RPIA: variants seen among roughly 807,000 people sequenced by gnomAD.
RPIA encodes the protein ribose-5-phosphate isomerase.
RPIA carries 29 observed loss-of-function variants against 37.8 expected under a neutral mutation model. The ratio of observed to expected loss-of-function variants is 0.77; its 90% CI spans 0.57 to 1.05. The LOEUF (loss-of-function observed/expected upper bound fraction) is 1.05, where lower values mean the gene tolerates loss of function less well. Ranked by LOEUF, RPIA falls within the 50% of genes least tolerant of loss-of-function variation. The pLI, the probability that RPIA is intolerant of heterozygous loss-of-function variation, is 0.00. For missense variants in RPIA, 385 were observed against 413.6 expected (o/e 0.93, Z 0.60); for synonymous variants, 167 against 157.0 (o/e 1.06, Z -0.48).
At position 88,737,988 on chromosome 2, in the gene RPIA, G is replaced by A; in HGVS notation, c.750G>A (p.Val250=). ...AAATTATCTTCTAGGGTCCTGTGGT[G>A]ACAGATAATGGGAATTTTATCTTGG... ...RMAVNKAGPV[V]TDNGNFILDW... The change falls in exon 8 of 9, where the codon GTG becomes GTA. Residue 250 remains valine, a synonymous_variant. Coordinates refer to ENST00000283646, the MANE Select transcript of RPIA (RefSeq NM_144563.3). 1 of 1,613,172 alleles carries A rather than the reference G, an allele frequency of 6.2e-7. No homozygotes were observed. Among genetic ancestry groups the A allele is most frequent in the South Asian group, 1.1e-5 (1 of 91,048 alleles).
intron 3 of RPIA, among the ~76,000 whole-genome samples, chr2:88,723,467 G>A (rs554146461): frequency 1.3e-5 from 2 of 152,286 alleles, no homozygotes; most frequent in South Asian, 4.2e-4. Flanking sequence ...ACAAAAAGGT[G>A]GGGGGAGTTC....
chr2:88,732,744 A>AAAAAAAAAAAAAAAAAAAAAAAAAAAAAT (rs1673260582), intron 4 of RPIA, among the ~76,000 whole-genome samples: 1 of 11,366 alleles, frequency 8.8e-5, no homozygotes, highest in Non-Finnish European at 1.9e-4. Flanking sequence ...AAAAAAAAAA[A>AAAAAAAAAAAAAAAAAAAAAAAAAAAAAT]AAAAAAAAAA....
At chr2:88,737,558 G>C (rs1377642445) in intron 7 of RPIA, among the ~76,000 whole-genome samples, 1 of 152,146 alleles carries the variant, frequency 6.6e-6, no homozygotes, top group Non-Finnish European at 1.5e-5. Flanking sequence ...TTGTGTTTTG[G>C]ATTCTGTTTC....
At chr2:88,703,496 G>A (rs7566774) in intron 3 of RPIA, among the ~76,000 whole-genome samples, 9,385 of 152,274 alleles carry the variant, frequency 0.062, 512 homozygotes, top group African/African-American at 0.14. Flanking sequence ...GCCAAGGCTT[G>A]GGGCTTGCAC....
At chr2:88,727,798 C>A (rs980353449) in intron 3 of RPIA, among the ~76,000 whole-genome samples, 5 of 152,194 alleles carry the variant, frequency 3.3e-5, no homozygotes, top group Admixed American at 1.3e-4. Context: ...TCTAGCAATA[C>A]TATTTTTGCT....
intron 3 of RPIA, among the ~76,000 whole-genome samples, chr2:88,727,858 G>C (rs1160768916): frequency 6.6e-6 from 1 of 151,928 alleles, no homozygotes; most frequent in Non-Finnish European, 1.5e-5. Flanking sequence ...AAATCATAAG[G>C]TTTTTTTTGA....
At chr2:88,725,057 C>T (rs1673179054) in intron 3 of RPIA, among the ~76,000 whole-genome samples, 1 of 152,210 alleles carries the variant, frequency 6.6e-6, no homozygotes, top group South Asian at 2.1e-4. Context: ...TTGCTTCTTG[C>T]CTTTCTTCAG....
intron 3 of RPIA, among the ~76,000 whole-genome samples, chr2:88,721,544 T>TACACACAC (rs748522109): frequency 2.4e-5 from 2 of 82,932 alleles, no homozygotes; most frequent in South Asian, 4.4e-4. Flanking sequence ...ATATATATTA[T>TACACACAC]ACACACACAC....
At chr2:88,730,424 C>T (rs1403741367) in intron 4 of RPIA, among the ~76,000 whole-genome samples, 19 of 81,314 alleles carry the variant, frequency 2.3e-4, no homozygotes, top group Admixed American at 1.0e-3. Context: ...GTTCAATATA[C>T]GCAAATCAAT....
chr2:88,745,951 A>G (rs1488781534), intron 8 of RPIA, among the ~76,000 whole-genome samples: 1 of 151,940 alleles, frequency 6.6e-6, no homozygotes, highest in African/African-American at 2.4e-5. Flanking sequence ...CATAATCCCA[A>G]ATTTCTTGGA....
At position 88,729,324 on chromosome 2, in the gene RPIA, A is replaced by G; in HGVS notation, c.449A>G (p.Asp150Gly). ...LQYGLTLSDL[D>G]RHPEIDLAID... is the part of the protein sequence containing the mutation. ...TATGGCTTGACCCTCAGTGATCTGG[A>G]TCGACACCCAGAGGTAAGATTGCCA... The change falls in exon 4 of 9, where the codon GAT (aspartate) becomes GGT (glycine). Residue 150 changes from aspartate to glycine, a missense_variant. Physicochemically the swap from Asp to Gly is moderately conservative, Grantham distance 94. Coordinates refer to ENST00000283646, the MANE Select transcript of RPIA (RefSeq NM_144563.3). 2 of 1,614,168 alleles carry G rather than the reference A, an allele frequency of 1.2e-6. No homozygotes were observed. The highest frequency in any genetic ancestry group is 1.7e-6 in the Non-Finnish European group (2 of 1,180,030).
chr2:88,704,476 A>G (rs1672874578), intron 3 of RPIA, among the ~76,000 whole-genome samples: 1 of 152,116 alleles, frequency 6.6e-6, no homozygotes, highest in Non-Finnish European at 1.5e-5. Context: ...ATCAGATCTC[A>G]TGAGACTTAT....
chr2:88,725,741 G>A (rs1284782769), intron 3 of RPIA, among the ~76,000 whole-genome samples: 2 of 151,942 alleles, frequency 1.3e-5, no homozygotes, highest in Non-Finnish European at 2.9e-5. Flanking sequence ...TTTTTTGTGG[G>A]GAACACAATT....
At chr2:88,694,892 T>C (rs1306779813) in intron 1 of RPIA, among the ~76,000 whole-genome samples, 1 of 151,276 alleles carries the variant, frequency 6.6e-6, no homozygotes. Flanking sequence ...TAGTATTGGA[T>C]CATGCCCTTT....
intron 4 of RPIA, 44 bp from the exon 5 acceptor site, chr2:88,734,508 T>C: frequency 6.3e-7 from 1 of 1,596,262 alleles, no homozygotes; most frequent in East Asian, 2.2e-5. Flanking sequence ...TAGCAGAGGC[T>C]CCCCTCGAGT....
chr2:88,694,263 G>A (rs1348128348), intron 1 of RPIA, among the ~76,000 whole-genome samples: 2 of 152,228 alleles, frequency 1.3e-5, no homozygotes, highest in Non-Finnish European at 2.9e-5. Context: ...AAGGCAGCAG[G>A]GATCACATGG....
intron 8 of RPIA, among the ~76,000 whole-genome samples, chr2:88,749,115 G>A (rs1316286089): frequency 6.6e-6 from 1 of 152,186 alleles, no homozygotes; most frequent in Non-Finnish European, 1.5e-5. Context: ...TCTTACACAT[G>A]TCTTTTGATG....
At position 88,750,066 on chromosome 2, in the gene RPIA, G is replaced by A. The variant is rs982787963; in HGVS notation, c.924G>A (p.Lys308=). Residue 308 remains lysine, a synonymous_variant, in exon 9 of 9, where the codon AAG becomes AAA. Coordinates refer to ENST00000283646, the MANE Select transcript of RPIA (RefSeq NM_144563.3). ...MQDGSVNMRE[K]PFC The stretch of plus-strand genomic sequence containing the variant: ...ATGGCTCAGTGAACATGAGGGAGAA[G>A]CCTTTCTGTTGACCCTGCAAGGAGC... The A allele has an allele frequency of 1.9e-6, 3 of 1,611,606 alleles. No individual in the cohort carries two copies. The highest frequency in any genetic ancestry group is 2.7e-5 in the African/African-American group (2 of 74,794).
chr2:88,702,528 C>CT (rs1447597531), intron 3 of RPIA, among the ~76,000 whole-genome samples: 2 of 140,024 alleles, frequency 1.4e-5, no homozygotes, highest in Non-Finnish European at 3.1e-5. Flanking sequence ...GAGGAAGACA[C>CT]AAAAGCAACC....
Sources: gnomAD v4.1 joint callset for allele counts (sites outside exome capture counted in the v4.1 genomes callset) on GRCh38, gnomAD v4.1.1 for gene constraint, MANE v1.5 for transcripts, NCBI Gene and HGNC (gene_info 2026-07-23, HGNC 2026-07-21) for gene names.